Variants in DCC observed in about 807,000 individuals in gnomAD.
The protein encoded by DCC is netrin receptor DCC.
DCC carries 58 observed loss-of-function variants against 172.5 expected under a neutral mutation model. The ratio of observed to expected loss-of-function variants is 0.34; its 90% CI spans 0.27 to 0.42. DCC has a LOEUF of 0.42. Among genes scored for constraint, DCC ranks in the 10% least tolerant of loss-of-function variants. The pLI, the probability that DCC is intolerant of heterozygous loss-of-function variation, is 1.00. For missense variants in DCC, 1,740 were observed against 1,791.0 expected, an observed-to-expected ratio of 0.97 and a Z score of 0.51; for synonymous variants, 709 against 644.5, an observed-to-expected ratio of 1.10 and a Z score of -1.52.
Position 53,236,299 on chromosome 18 carries a change from C to A in DCC, c.1911+20702C>A, listed in dbSNP as rs548072522. ...GGTATACAGTTACATCACCTTGTGG[C>A]TTTAATTTGTATTTCTCTAATAACT... On this transcript the variant is annotated intron_variant, in intron 12 of 28. Coordinates refer to ENST00000442544, the MANE Select transcript of DCC (RefSeq NM_005215.4). Among the ~76,000 whole-genome samples, 4 of 152,182 alleles carry A rather than the reference C, an allele frequency of 2.6e-5. No individual in the cohort carries two copies. In the East Asian group the frequency reaches 7.7e-4, roughly 29 times the overall value.
At chr18:52,368,564 A>T (rs1410852394) in intron 1 of DCC, among the ~76,000 whole-genome samples, 2 of 152,182 alleles carry the variant, frequency 1.3e-5, no homozygotes, top group Admixed American at 1.3e-4. Context: ...AAAGTACTAC[A>T]TTATCAAGTC....
intron 1 of DCC, among the ~76,000 whole-genome samples, chr18:52,713,182 G>A (rs2036323276): frequency 1.3e-5 from 2 of 152,080 alleles, no homozygotes; most frequent in Admixed American, 6.6e-5. Flanking sequence ...CTTTTCTCTC[G>A]CATAGCATGT....
At chr18:52,940,213 A>G (rs371035751) in intron 5 of DCC, among the ~76,000 whole-genome samples, 2 of 152,200 alleles carry the variant, frequency 1.3e-5, no homozygotes, top group East Asian at 3.9e-4. Flanking sequence ...ACCAACGAAC[A>G]AAAGTAGGTT....
At chr18:52,874,724 G>A (rs1190477629) in intron 2 of DCC, among the ~76,000 whole-genome samples, 1 of 152,110 alleles carries the variant, frequency 6.6e-6, no homozygotes, top group African/African-American at 2.4e-5. Flanking sequence ...GCCACAAGAG[G>A]AGACAGAGGA....
chr18:53,058,749 CACAT>C (rs1407029418), intron 5 of DCC, among the ~76,000 whole-genome samples: 3 of 152,090 alleles, frequency 2.0e-5, no homozygotes, highest in African/African-American at 7.2e-5. Flanking sequence ...ACTGAGAAGT[CACAT>C]ACTAGTGTCA....
chr18:52,385,382 TCTC>T (rs1298022098), intron 1 of DCC, among the ~76,000 whole-genome samples: 1 of 151,732 alleles, frequency 6.6e-6, no homozygotes, highest in Admixed American at 6.6e-5. Flanking sequence ...TTTAAGCAAT[TCTC>T]CTGCCTCAGT....
chr18:52,784,302 T>C (rs1427203824), intron 2 of DCC, among the ~76,000 whole-genome samples: 1 of 152,142 alleles, frequency 6.6e-6, no homozygotes, highest in African/African-American at 2.4e-5. Context: ...ATACCACATT[T>C]TCTTTATCCA....
chr18:53,145,632 A>G (rs1421427034), intron 7 of DCC, among the ~76,000 whole-genome samples: 1 of 152,202 alleles, frequency 6.6e-6, no homozygotes, highest in Non-Finnish European at 1.5e-5. Context: ...CAAGGATATT[A>G]TTATAGCAGC....
intron 12 of DCC, among the ~76,000 whole-genome samples, chr18:53,268,093 A>G (rs896897990): frequency 1.4e-4 from 22 of 152,308 alleles, no homozygotes; most frequent in African/African-American, 5.1e-4. Flanking sequence ...CCACTTGAAC[A>G]CAGGCAGCAA....
At chr18:53,124,317 TAAG>T (rs1488975263) in intron 7 of DCC, among the ~76,000 whole-genome samples, 2 of 152,082 alleles carry the variant, frequency 1.3e-5, no homozygotes, top group Admixed American at 6.6e-5. Context: ...TTAATATTTT[TAAG>T]AAGCATTTCC....
chr18:53,376,549 A>G (rs527583312), intron 15 of DCC, among the ~76,000 whole-genome samples: 2 of 152,306 alleles, frequency 1.3e-5, no homozygotes, highest in South Asian at 2.1e-4. Flanking sequence ...GTCTGAGTCT[A>G]AAGAACCCTA....
In DCC at chr18:52,551,757, C is replaced by CACACACACACAT. The variant is rs1555696374; in HGVS notation, c.92-200286_92-200285insTACACACACACA. The stretch of plus-strand genomic sequence containing the variant: ...ACACACACACACACACACACACACA[C>CACACACACACAT]ACACACACACACTTTGCAGCATGAA... On this transcript the variant is annotated intron_variant, in intron 1 of 28. Transcript: ENST00000442544. Among the ~76,000 whole-genome samples, 195 of 139,532 alleles carry CACACACACACAT rather than the reference C, an allele frequency of 1.4e-3. 43 individuals are homozygous for CACACACACACAT. Among genetic ancestry groups the CACACACACACAT allele is most frequent in the East Asian group, 0.013 (61 of 4,650 alleles). The allele number at this position is 139,532 out of a possible 152,430, so 91.5% of individuals were successfully genotyped here.
intron 7 of DCC, among the ~76,000 whole-genome samples, chr18:53,072,944 A>G (rs1019635718): frequency 1.4e-4 from 21 of 152,226 alleles, no homozygotes; most frequent in Non-Finnish European, 5.9e-5. Context: ...AGTACTATCT[A>G]TGCCATCAAT....
intron 3 of DCC, 23 bp downstream of exon 3, chr18:52,906,351 C>T (rs2039881813): frequency 6.2e-7 from 1 of 1,611,896 alleles, no homozygotes; most frequent in Non-Finnish European, 8.5e-7. Context: ...TCTTTGTTGC[C>T]TTCAGAATGA....
chr18:52,972,486 A>G (rs1375914997), intron 5 of DCC, among the ~76,000 whole-genome samples: 1 of 151,312 alleles, frequency 6.6e-6, no homozygotes, highest in Non-Finnish European at 1.5e-5. Context: ...TGTTAAGGGA[A>G]ATACACGTAA....
intron 5 of DCC, among the ~76,000 whole-genome samples, chr18:52,942,496 A>T (rs139653322): frequency 6.6e-6 from 1 of 152,282 alleles, no homozygotes; most frequent in African/African-American, 2.4e-5. Context: ...TAAAGACATA[A>T]TCGGGGCTGG....
chr18:53,328,936 G>C (rs544092897), intron 14 of DCC, among the ~76,000 whole-genome samples: 82 of 152,236 alleles, frequency 5.4e-4, no homozygotes, highest in African/African-American at 1.9e-3. Context: ...ACTTCTCCTT[G>C]TTCATGATGG....
intron 15 of DCC, among the ~76,000 whole-genome samples, chr18:53,353,238 C>A (rs1410299526): frequency 2.0e-5 from 3 of 150,018 alleles, no homozygotes; most frequent in African/African-American, 4.9e-5. Context: ...CACGCCATTG[C>A]ACTCCAGCAT....
chr18:53,163,992 C>G (rs1272613426), intron 8 of DCC, among the ~76,000 whole-genome samples: 4 of 152,100 alleles, frequency 2.6e-5, no homozygotes, highest in African/African-American at 9.7e-5. Flanking sequence ...AAGTTTATAC[C>G]TCCATTATAC....
Sources: allele counts gnomAD v4.1 joint callset (sites outside exome capture counted in the v4.1 genomes callset), GRCh38; gene constraint gnomAD v4.1.1; transcripts MANE v1.5; gene names NCBI Gene and HGNC (gene_info 2026-07-23, HGNC 2026-07-21).